Variants in CSMD1 observed in about 807,000 individuals in gnomAD.
The protein encoded by CSMD1 is CUB and Sushi multiple domains 1.
A neutral mutation model predicts 417.5 loss-of-function variants in CSMD1; 213 were observed. That is an observed-to-expected ratio of 0.51 (90% CI 0.46 to 0.57). The LOEUF (loss-of-function observed/expected upper bound fraction) is 0.57. Ranked by LOEUF, CSMD1 falls within the 20% of genes least tolerant of loss-of-function variation. CSMD1 has a pLI of 0.00. For synonymous variants in CSMD1, 2,862 were observed against 1,736.8 expected (o/e 1.65, Z -16.11); for missense variants, 6,923 against 4,529.7 (o/e 1.53, Z -15.17).
intron 7 of CSMD1, among the ~76,000 whole-genome samples, chr8:3,693,734 T>G (rs760997498): frequency 3.3e-5 from 5 of 152,064 alleles, no homozygotes; most frequent in Non-Finnish European, 7.4e-5. Flanking sequence ...TGTGTTATGC[T>G]TGTTATGGTG....
At chr8:4,899,810 C>T (rs1026263747) in intron 1 of CSMD1, among the ~76,000 whole-genome samples, 6 of 152,186 alleles carry the variant, frequency 3.9e-5, no homozygotes, top group African/African-American at 1.4e-4. Context: ...ATATAGAGGG[C>T]CTCACACAGT....
intron 2 of CSMD1, among the ~76,000 whole-genome samples, chr8:4,632,110 T>C (rs1802553081): frequency 6.6e-6 from 1 of 152,234 alleles, no homozygotes; most frequent in African/African-American, 2.4e-5. Flanking sequence ...CCACATGGGA[T>C]GGTTGACTCA....
At chr8:4,077,834 C>T (rs961438916) in intron 3 of CSMD1, among the ~76,000 whole-genome samples, 1 of 152,146 alleles carries the variant, frequency 6.6e-6, no homozygotes, top group African/African-American at 2.4e-5. Context: ...GATACATAAA[C>T]CAAATTGAGC....
chr8:3,901,096 G>C (rs573515335), intron 5 of CSMD1, among the ~76,000 whole-genome samples: 2 of 152,282 alleles, frequency 1.3e-5, no homozygotes, highest in Admixed American at 6.5e-5. Context: ...TGGAGTCCAA[G>C]GTTAATGTGT....
At chr8:4,431,495 T>C (rs889649486) in intron 2 of CSMD1, among the ~76,000 whole-genome samples, 1 of 152,010 alleles carries the variant, frequency 6.6e-6, no homozygotes, top group East Asian at 1.9e-4. Context: ...AGAGACCAAG[T>C]AGAGACCAAT....
intron 1 of CSMD1, among the ~76,000 whole-genome samples, chr8:4,963,499 C>A (rs1033888786): frequency 6.6e-6 from 1 of 152,144 alleles, no homozygotes; most frequent in African/African-American, 2.4e-5. Context: ...CATGCCTGGC[C>A]CCTCATTCAC....
chr8:4,686,774 T>A (rs1428269822), intron 1 of CSMD1, among the ~76,000 whole-genome samples: 10 of 152,170 alleles, frequency 6.6e-5, no homozygotes, highest in Non-Finnish European at 1.2e-4. Flanking sequence ...AAAAGATCCT[T>A]CTCCTTCGCT....
chr8:4,975,807 G>T (rs184256168), intron 1 of CSMD1, among the ~76,000 whole-genome samples: 3 of 151,952 alleles, frequency 2.0e-5, no homozygotes, highest in Admixed American at 6.6e-5. Context: ...AATAGTGTAT[G>T]CATTTTTTTT....
chr8:4,258,870 C>A (rs1030634798), intron 3 of CSMD1, among the ~76,000 whole-genome samples: 1 of 152,178 alleles, frequency 6.6e-6, no homozygotes, highest in South Asian at 2.1e-4. Flanking sequence ...AAAGTCTCAT[C>A]TCTACCTGGC....
chr8:4,076,851 G>A (rs1046269264), intron 3 of CSMD1, among the ~76,000 whole-genome samples: 2 of 152,000 alleles, frequency 1.3e-5, no homozygotes, highest in Non-Finnish European at 2.9e-5. Context: ...CTTAAGATAG[G>A]CTACTCTTTT....
At chr8:4,166,341 G>T (rs148867620) in intron 3 of CSMD1, among the ~76,000 whole-genome samples, 75 of 152,206 alleles carry the variant, frequency 4.9e-4, no homozygotes, top group African/African-American at 1.8e-3. Flanking sequence ...AAGACCATAC[G>T]TATTATACAC....
chr8:3,276,751 TGAA>T (rs1473672756), intron 26 of CSMD1, among the ~76,000 whole-genome samples: 3 of 152,190 alleles, frequency 2.0e-5, no homozygotes, highest in African/African-American at 7.2e-5. Flanking sequence ...TTACAGTAGA[TGAA>T]GAGGTATTCA....
At chr8:3,457,543 T>C (rs1452856877) in intron 12 of CSMD1, among the ~76,000 whole-genome samples, 1 of 152,218 alleles carries the variant, frequency 6.6e-6, no homozygotes, top group African/African-American at 2.4e-5. Flanking sequence ...CGTTCCTGGC[T>C]TAGAGGCAAG....
intron 49 of CSMD1, among the ~76,000 whole-genome samples, chr8:3,054,704 C>G (rs142956115): frequency 3.9e-5 from 6 of 152,088 alleles, no homozygotes; most frequent in African/African-American, 1.4e-4. Context: ...CACGTGTGTA[C>G]GTGTGTGTAC....
At chr8:3,536,842 G>A (rs561414933) in intron 10 of CSMD1, among the ~76,000 whole-genome samples, 3 of 152,146 alleles carry the variant, frequency 2.0e-5, no homozygotes, top group Non-Finnish European at 4.4e-5. Flanking sequence ...CGGTCCCACG[G>A]TCCGTGTTCT....
At chr8:4,783,268 T>C (rs984336248) in intron 1 of CSMD1, among the ~76,000 whole-genome samples, 1 of 152,222 alleles carries the variant, frequency 6.6e-6, no homozygotes, top group Non-Finnish European at 1.5e-5. Context: ...GAAATCAAGA[T>C]GGTGAATAAT....
At chr8:3,081,487 T>G (rs1400652189) in intron 49 of CSMD1, among the ~76,000 whole-genome samples, 1 of 152,156 alleles carries the variant, frequency 6.6e-6, no homozygotes, top group Non-Finnish European at 1.5e-5. Flanking sequence ...AGTTTTCAAA[T>G]AAAAATTTTC....
At chr8:3,279,269 C>T (rs535241091) in intron 26 of CSMD1, 3 of 152,322 alleles carry the variant, frequency 2.0e-5, no homozygotes, top group South Asian at 4.1e-4. Context: ...AGGACCATGT[C>T]CCTCTCTGGA....
intron 25 of CSMD1, among the ~76,000 whole-genome samples, chr8:3,292,331 T>C (rs967196380): frequency 9.9e-5 from 15 of 152,146 alleles, no homozygotes; most frequent in Non-Finnish European, 1.6e-4. Context: ...GTTCTGTAGA[T>C]GTCTATTAGG....
Sources: gnomAD v4.1 joint callset for allele counts (sites outside exome capture counted in the v4.1 genomes callset) on GRCh38, gnomAD v4.1.1 for gene constraint, MANE v1.5 for transcripts, NCBI Gene and HGNC (gene_info 2026-07-23, HGNC 2026-07-21) for gene names.